ADAM22: variants seen among roughly 807,000 people sequenced by gnomAD.
The protein encoded by ADAM22 is ADAM metallopeptidase domain 22, also known as disintegrin and metalloproteinase domain-containing protein 22.
ADAM22 carries 65 observed loss-of-function variants against 144.6 expected under a neutral mutation model. The ratio of observed to expected loss-of-function variants is 0.45; its 90% CI spans 0.37 to 0.55. The LOEUF is 0.55. Among genes scored for constraint, ADAM22 ranks in the 20% least tolerant of loss-of-function variants. The pLI is 0.00. For synonymous variants in ADAM22, 391 were observed against 412.6 expected, an observed-to-expected ratio of 0.95 and a Z score of 0.63; for missense variants, 974 against 1,184.9, an observed-to-expected ratio of 0.82 and a Z score of 2.61.
chr7:87,978,401 C>T lies in ADAM22; in HGVS notation c.312C>T (p.Val104=), dbSNP rs1312923819. The part of the protein sequence containing the change: ...DAFGTSFILD[V]VLNHDLLSSE... ...TTGGAACGTCATTCATTCTCGATGT[C>T]GTGCTAAATCAGTAAGTGTTGAGTT... is the stretch of plus-strand genomic sequence containing the variant. Residue 104 remains valine, a synonymous_variant, in exon 3 of 32, where the codon GTC becomes GTT. Transcript: ENST00000413139. The T allele has an allele frequency of 9.3e-6, 15 of 1,613,272 alleles. No homozygotes were observed. The highest frequency in any genetic ancestry group is 3.3e-5 in the Admixed American group (2 of 59,866).
chr7:87,983,000 C>T (rs1229019147), intron 3 of ADAM22, among the ~76,000 whole-genome samples: 1 of 149,810 alleles, frequency 6.7e-6, no homozygotes, highest in African/African-American at 2.4e-5. Context: ...CCAGTTATTA[C>T]ATATTTTAAT....
At chr7:87,949,100 A>G (rs1002792169) in intron 2 of ADAM22, among the ~76,000 whole-genome samples, 1 of 152,156 alleles carries the variant, frequency 6.6e-6, no homozygotes, top group African/African-American at 2.4e-5. Context: ...ACCTCATTCT[A>G]CTTTTATGGC....
At chr7:88,054,932 G>C (rs9969132) in intron 3 of ADAM22, among the ~76,000 whole-genome samples, 1 of 151,532 alleles carries the variant, frequency 6.6e-6, no homozygotes, top group Non-Finnish European at 1.5e-5. Context: ...TCAACAATTC[G>C]TTGTTTTAAA....
chr7:88,138,068 C>T (rs1306505570), intron 14 of ADAM22, among the ~76,000 whole-genome samples: 2 of 152,056 alleles, frequency 1.3e-5, no homozygotes, highest in Non-Finnish European at 2.9e-5. Context: ...GTGGGAGGAT[C>T]GCCTGATTCC....
At chr7:88,004,790 G>A (rs1190759751) in intron 3 of ADAM22, among the ~76,000 whole-genome samples, 6 of 152,152 alleles carry the variant, frequency 3.9e-5, no homozygotes, top group African/African-American at 1.4e-4. Context: ...GACAGTGAAT[G>A]ATCTTAAATA....
intron 3 of ADAM22, among the ~76,000 whole-genome samples, chr7:88,018,397 C>G (rs1797020927): frequency 6.6e-6 from 1 of 152,020 alleles, no homozygotes; most frequent in Non-Finnish European, 1.5e-5. Flanking sequence ...TGTGAGGAAC[C>G]TTTTATTTTG....
chr7:88,028,569 A>C (rs1447441309), intron 3 of ADAM22, among the ~76,000 whole-genome samples: 1 of 152,172 alleles, frequency 6.6e-6, no homozygotes, highest in Admixed American at 6.5e-5. Flanking sequence ...TCTAATGCTG[A>C]AAGTGGAGTG....
intron 4 of ADAM22, among the ~76,000 whole-genome samples, chr7:88,089,294 T>C (rs17150204): frequency 0.023 from 3,549 of 152,198 alleles, 145 homozygotes; most frequent in African/African-American, 0.08. Flanking sequence ...GACCTTGGTG[T>C]GCAGTAAATT....
intron 2 of ADAM22, among the ~76,000 whole-genome samples, chr7:87,947,316 CT>C (rs928596456): frequency 2.6e-4 from 40 of 151,458 alleles, no homozygotes; most frequent in African/African-American, 9.2e-4. Context: ...TAGTACATAG[CT>C]TTTTTTCTGA....
chr7:88,108,446 G>C (rs1003462640), intron 5 of ADAM22, among the ~76,000 whole-genome samples, 188 bp downstream of exon 5: 2 of 151,852 alleles, frequency 1.3e-5, no homozygotes, highest in Admixed American at 6.6e-5. Flanking sequence ...GGTTGCAAAT[G>C]GTCGGGCGTG....
At chr7:88,036,407 G>A (rs909736992) in intron 3 of ADAM22, among the ~76,000 whole-genome samples, 2 of 152,030 alleles carry the variant, frequency 1.3e-5, no homozygotes, top group Non-Finnish European at 2.9e-5. Context: ...GGCTGGGGAT[G>A]GACATGAAAG....
At chr7:87,948,362 A>G (rs927851007) in intron 2 of ADAM22, among the ~76,000 whole-genome samples, 2 of 152,064 alleles carry the variant, frequency 1.3e-5, no homozygotes, top group African/African-American at 4.8e-5. Context: ...GTAAACCTAT[A>G]TTTTGTGAGG....
intron 5 of ADAM22, among the ~76,000 whole-genome samples, chr7:88,108,615 G>A (rs1421599760): frequency 3.3e-5 from 5 of 151,970 alleles, no homozygotes; most frequent in Non-Finnish European, 7.4e-5. Context: ...TGTAATCCCA[G>A]CTACTCGGGA....
chr7:88,132,796 A>G, intron 11 of ADAM22, 71 bp from the exon 12 acceptor site: 1 of 1,218,146 alleles, frequency 8.2e-7, no homozygotes, highest in East Asian at 2.3e-5. Context: ...AAATGTAGTA[A>G]ACTAATAATG....
rs1002201309 is a variant in ADAM22 at position 88,022,479 on chromosome 7, G to C, written c.323+44067G>C. Among the ~76,000 whole-genome samples, 5 of 152,138 alleles carry C rather than the reference G, an allele frequency of 3.3e-5. 1 individual carries two copies. The highest frequency in any genetic ancestry group is 5.9e-5 in the Non-Finnish European group (4 of 68,026). On this transcript the variant is annotated intron_variant, in intron 3 of 31. Transcript: ENST00000413139. ...TAATAAGATGATTTATATTCAATCA[G>C]ATTGTTTCAATTGGATTTTACCAAG...
chr7:88,079,511 G>A (rs1302743525), intron 4 of ADAM22, among the ~76,000 whole-genome samples: 3 of 152,252 alleles, frequency 2.0e-5, no homozygotes, highest in African/African-American at 7.2e-5. Flanking sequence ...AACCTTAAAT[G>A]TAAATGGGCT....
intron 12 of ADAM22, among the ~76,000 whole-genome samples, chr7:88,134,049 C>G (rs1586039754): frequency 1.3e-5 from 2 of 152,166 alleles, no homozygotes; most frequent in South Asian, 4.1e-4. Context: ...AAGAATGTCA[C>G]TGGTGAAATT....
At chr7:87,980,391 T>C (rs908135996) in intron 3 of ADAM22, among the ~76,000 whole-genome samples, 1 of 151,884 alleles carries the variant, frequency 6.6e-6, no homozygotes, top group African/African-American at 2.4e-5. Context: ...TATCTTATTT[T>C]TAATGTAGAA....
intron 27 of ADAM22, 80 bp from the exon 28 acceptor site, chr7:88,181,425 G>A (rs41278767): frequency 0.013 from 15,186 of 1,127,654 alleles, 337 homozygotes; most frequent in South Asian, 0.064. Flanking sequence ...GCACAGTAAT[G>A]CTTAGAAGTT....
Sources: allele counts gnomAD v4.1 joint callset (sites outside exome capture counted in the v4.1 genomes callset), GRCh38; gene constraint gnomAD v4.1.1; transcripts MANE v1.5; gene names NCBI Gene and HGNC (gene_info 2026-07-23, HGNC 2026-07-21).